The following NEGR1 variants were observed in gnomAD, a reference collection of about 807,000 sequenced individuals.
The protein encoded by NEGR1 is IgLON family member 4.
A neutral mutation model predicts 40.9 loss-of-function variants in NEGR1; 10 were observed. The ratio of observed to expected loss-of-function variants is 0.24; its 90% CI spans 0.15 to 0.42. NEGR1 has a LOEUF of 0.42. NEGR1 is among the 10% of genes least tolerant of loss of function. The probability of loss-of-function intolerance (pLI) is 1.00; values close to 1 mark genes in which losing one functional copy is unlikely to be tolerated. For synonymous variants in NEGR1, 185 were observed against 166.8 expected, an observed-to-expected ratio of 1.11 and a Z score of -0.84; for missense variants, 352 against 438.9, an observed-to-expected ratio of 0.80 and a Z score of 1.77.
intron 1 of NEGR1, among the ~76,000 whole-genome samples, chr1:72,088,432 T>C (rs960578102): frequency 1.3e-5 from 2 of 152,138 alleles, no homozygotes; most frequent in Non-Finnish European, 2.9e-5. Context: ...ATTAAGAGGG[T>C]AGGTGCTCAT....
chr1:71,834,078 T>C (rs571376100), intron 2 of NEGR1, among the ~76,000 whole-genome samples: 4 of 152,250 alleles, frequency 2.6e-5, no homozygotes, highest in African/African-American at 9.6e-5. Context: ...GGCCTACCTT[T>C]TCACAATGTT....
intron 1 of NEGR1, among the ~76,000 whole-genome samples, chr1:71,990,186 T>C (rs908414273): frequency 1.3e-5 from 2 of 152,204 alleles, no homozygotes; most frequent in Non-Finnish European, 2.9e-5. Flanking sequence ...ACAAAGAGCA[T>C]GTCAGCTTTC....
intron 1 of NEGR1, among the ~76,000 whole-genome samples, chr1:72,001,897 A>G (rs927721978): frequency 1.3e-5 from 2 of 152,046 alleles, no homozygotes; most frequent in Non-Finnish European, 2.9e-5. Context: ...CTTGTACTAC[A>G]TAGACCATAG....
intron 1 of NEGR1, among the ~76,000 whole-genome samples, chr1:72,059,078 A>G (rs1163496788): frequency 6.6e-6 from 1 of 151,652 alleles, no homozygotes; most frequent in Non-Finnish European, 1.5e-5. Flanking sequence ...ACTGCAACAC[A>G]TTGATTTCTT....
chr1:71,605,139 A>G (rs1181211740), intron 5 of NEGR1, among the ~76,000 whole-genome samples: 4 of 152,192 alleles, frequency 2.6e-5, no homozygotes, highest in African/African-American at 9.6e-5. Flanking sequence ...TTTGCCTAAA[A>G]ACAGGAAAAG....
At chr1:71,845,031 C>A (rs561333678) in intron 2 of NEGR1, among the ~76,000 whole-genome samples, 1 of 152,150 alleles carries the variant, frequency 6.6e-6, no homozygotes, top group Admixed American at 6.5e-5. Context: ...GAGGTCAAGG[C>A]AAATAGAGGT....
intron 2 of NEGR1, among the ~76,000 whole-genome samples, chr1:71,871,151 C>T (rs182671554): frequency 2.0e-5 from 3 of 152,260 alleles, no homozygotes; most frequent in East Asian, 1.9e-4. Flanking sequence ...TTATCATCAA[C>T]GTTTCAGTGA....
chr1:71,946,721 A>C (rs577075216), intron 1 of NEGR1, among the ~76,000 whole-genome samples: 3 of 152,102 alleles, frequency 2.0e-5, no homozygotes, highest in Non-Finnish European at 2.9e-5. Context: ...TCTTGTGAAC[A>C]TACAAATCTA....
intron 3 of NEGR1, among the ~76,000 whole-genome samples, chr1:71,743,660 G>A (rs1423317845): frequency 2.0e-5 from 3 of 152,108 alleles, no homozygotes; most frequent in African/African-American, 4.8e-5. Flanking sequence ...ACCTTCAGCA[G>A]CATCTCCAAA....
chr1:71,462,817 C>A (rs938033845), intron 6 of NEGR1, among the ~76,000 whole-genome samples: 2 of 151,880 alleles, frequency 1.3e-5, no homozygotes, highest in African/African-American at 4.8e-5. Context: ...TTAGTATTGG[C>A]AAAATTAAGA....
At chr1:71,766,442 CAAAA>C in intron 3 of NEGR1, among the ~76,000 whole-genome samples, 1 of 152,140 alleles carries the variant, frequency 6.6e-6, no homozygotes, top group Admixed American at 6.5e-5. Flanking sequence ...GGAAATTAGA[CAAAA>C]AAGTGTTTGA....
chr1:71,632,236 C>A (rs1650991576), intron 4 of NEGR1, among the ~76,000 whole-genome samples: 1 of 151,170 alleles, frequency 6.6e-6, no homozygotes. Context: ...TATACATATG[C>A]AATTATGTAT....
chr1:71,731,710 A>C (rs1654874652), intron 3 of NEGR1, among the ~76,000 whole-genome samples: 1 of 152,204 alleles, frequency 6.6e-6, no homozygotes, highest in South Asian at 2.1e-4. Flanking sequence ...CTTCCTCTGC[A>C]GGAGAAGATG....
At chr1:71,715,639 A>G (rs2101647843) in intron 3 of NEGR1, among the ~76,000 whole-genome samples, 1 of 152,268 alleles carries the variant, frequency 6.6e-6, no homozygotes, top group East Asian at 1.9e-4. Flanking sequence ...TCAAGTTCAA[A>G]GTTACACAGA....
chr1:71,991,984 C>A (rs182369429), intron 1 of NEGR1, among the ~76,000 whole-genome samples: 1 of 151,808 alleles, frequency 6.6e-6, no homozygotes, highest in Non-Finnish European at 1.5e-5. Flanking sequence ...TTAGTAGAGA[C>A]GGGTTTCACT....
chr1:72,022,007 C>T (rs1342639652), intron 1 of NEGR1, among the ~76,000 whole-genome samples: 1 of 151,610 alleles, frequency 6.6e-6, no homozygotes, highest in Non-Finnish European at 1.5e-5. Flanking sequence ...TGGTGGCAGG[C>T]GCCTGTAGTC....
intron 1 of NEGR1, among the ~76,000 whole-genome samples, chr1:72,233,423 A>T (rs1004903044): frequency 2.6e-5 from 4 of 152,074 alleles, no homozygotes; most frequent in Admixed American, 6.6e-5. Context: ...ACACAATAGG[A>T]AGTTTTTCAG....
chr1:71,899,684 G>T (rs1267262964), intron 2 of NEGR1, among the ~76,000 whole-genome samples: 5 of 151,916 alleles, frequency 3.3e-5, no homozygotes, highest in Non-Finnish European at 7.4e-5. Flanking sequence ...TATTACATTT[G>T]CAATTTCTTT....
At chr1:72,171,968 C>G (rs1651979412) in intron 1 of NEGR1, among the ~76,000 whole-genome samples, 1 of 152,044 alleles carries the variant, frequency 6.6e-6, no homozygotes, top group African/African-American at 2.4e-5. Flanking sequence ...AATGACTCTT[C>G]TAGAAAGTCA....
Sources: allele counts gnomAD v4.1 joint callset (sites outside exome capture counted in the v4.1 genomes callset), GRCh38; gene constraint gnomAD v4.1.1; transcripts MANE v1.5; gene names NCBI Gene and HGNC (gene_info 2026-07-23, HGNC 2026-07-21).